Variants in CCT3 observed in about 807,000 individuals in gnomAD.
The protein encoded by CCT3 is chaperonin containing TCP1 subunit 3, also known as T-complex protein 1 subunit gamma.
A neutral mutation model predicts 65.3 loss-of-function variants in CCT3; 10 were observed. The ratio of observed to expected loss-of-function variants is 0.15; its 90% confidence interval spans 0.09 to 0.26. The LOEUF (loss-of-function observed/expected upper bound fraction) is 0.26. CCT3 is among the 10% of genes least tolerant of loss of function. The pLI, the probability that CCT3 is intolerant of heterozygous loss-of-function variation, is 1.00. For synonymous variants in CCT3, 225 were observed against 242.3 expected, an observed-to-expected ratio of 0.93 and a Z score of 0.66; for missense variants, 626 against 708.7, an observed-to-expected ratio of 0.88 and a Z score of 1.33.
intron 5 of CCT3, among the ~76,000 whole-genome samples, chr1:156,327,581 G>C (rs544972620): frequency 3.9e-4 from 60 of 152,286 alleles, no homozygotes; most frequent in African/African-American, 1.4e-3. Context: ...ACGGAGTCTC[G>C]TTCACTCAGT....
intron 5 of CCT3, among the ~76,000 whole-genome samples, chr1:156,329,368 T>C (rs1285548448): frequency 6.7e-6 from 1 of 149,210 alleles, no homozygotes; most frequent in Non-Finnish European, 1.5e-5. Context: ...TGCAGTGGTG[T>C]GATCTGGGCT....
In CCT3 at chr1:156,320,982, T is replaced by G. The variant is rs968700408; in HGVS notation, c.466A>C (p.Ile156Leu). ...ISDSDMMLNIINSSITTKAIS... is the reference protein window; with the variant it reads ...ISDSDMMLNILNSSITTKAIS... ...GCTTTGGTAGTAATAGAGCTGTTGA[T>G]GATGTTCAGCATCATATCACTGTCA... is the stretch of plus-strand genomic sequence containing the variant. Residue 156 changes from isoleucine to leucine, a missense_variant, in exon 7 of 14, where the codon ATC (isoleucine) becomes CTC (leucine). Physicochemically the swap from Ile to Leu is conservative, Grantham distance 5. Coordinates refer to ENST00000295688, the MANE Select transcript of CCT3 (RefSeq NM_005998.5). The G allele has an allele frequency of 6.2e-7, 1 of 1,614,152 alleles. No homozygotes were observed. Among genetic ancestry groups the G allele is most frequent in the East Asian group, 2.2e-5 (1 of 44,878 alleles).
intron 5 of CCT3, among the ~76,000 whole-genome samples, chr1:156,332,468 G>A (rs921068026): frequency 6.6e-6 from 1 of 152,126 alleles, no homozygotes; most frequent in Admixed American, 6.6e-5. Flanking sequence ...ATAGCCCAGG[G>A]TCATTATCCT....
intron 11 of CCT3, 40 bp downstream of exon 11, chr1:156,312,001 T>C (rs751871743): frequency 1.4e-5 from 21 of 1,520,820 alleles, no homozygotes; most frequent in Admixed American, 4.1e-5. Context: ...AGAAGTTCAG[T>C]GATCTACTTC....
chr1:156,328,873 A>T (rs1664979991), intron 5 of CCT3, among the ~76,000 whole-genome samples: 1 of 151,690 alleles, frequency 6.6e-6, no homozygotes, highest in African/African-American at 2.4e-5. Flanking sequence ...AATAAAAAAA[A>T]AAAATGTACA....
chr1:156,311,813 TACTGA>T (rs1332099002), intron 11 of CCT3, among the ~76,000 whole-genome samples: 2 of 152,188 alleles, frequency 1.3e-5, no homozygotes, highest in Non-Finnish European at 2.9e-5. Context: ...TACTTAACAT[TACTGA>T]ACTGTACAAT....
At chr1:156,323,314 G>GA (rs71080759) in intron 6 of CCT3, among the ~76,000 whole-genome samples, 70,450 of 130,226 alleles carry the variant, frequency 0.54, 17,993 homozygotes, top group Non-Finnish European at 0.6. Context: ...TCCGTCTCAA[G>GA]AAAAAAAAAA....
intron 5 of CCT3, among the ~76,000 whole-genome samples, chr1:156,327,005 C>T (rs1664843491): frequency 2.0e-5 from 3 of 151,966 alleles, no homozygotes; most frequent in Admixed American, 2.0e-4. Context: ...GAGACTGTGC[C>T]CAGGCACCCC....
At chr1:156,331,330 AAAT>A (rs67840238) in intron 5 of CCT3, among the ~76,000 whole-genome samples, 32,274 of 151,914 alleles carry the variant, frequency 0.21, 4,214 homozygotes, top group Non-Finnish European at 0.27. Flanking sequence ...TACGAAAAAT[AAAT>A]AATAATAATT....
intron 5 of CCT3, 71 bp downstream of exon 5, chr1:156,333,476 A>C: frequency 9.3e-7 from 1 of 1,072,212 alleles, no homozygotes; most frequent in Admixed American, 1.8e-5. Flanking sequence ...CTGTAACAGA[A>C]TTTCCTTCTT....
At chr1:156,334,444 T>C (rs1473177411) in intron 4 of CCT3, among the ~76,000 whole-genome samples, 3 of 152,070 alleles carry the variant, frequency 2.0e-5, no homozygotes, top group African/African-American at 7.2e-5. Context: ...GAGACCAAGT[T>C]CATGCCAAAG....
At chr1:156,317,604 G>A in intron 8 of CCT3, 57 bp from the exon 9 acceptor site, 1 of 1,544,906 alleles carries the variant, frequency 6.5e-7, no homozygotes, top group Non-Finnish European at 8.8e-7. Flanking sequence ...GAAGCTCTAA[G>A]GGTCATATTA....
At position 156,311,035 on chromosome 1, in the gene CCT3, G is replaced by C; in HGVS notation, c.1316C>G (p.Ala439Gly). ...MTGVEQWPYR[A>G]VAQALEVIPR... ...AATGACCTCTAGGGCCTGGGCAACA[G>C]CCCTGTATGGCCATTGTTCCACACC... Residue 439 changes from alanine (A) to glycine (G), a missense_variant, in exon 12 of 14, where the codon GCT becomes GGT. Coordinates refer to ENST00000295688, the MANE Select transcript of CCT3 (RefSeq NM_005998.5). The C allele has an allele frequency of 6.2e-7, 1 of 1,614,116 alleles. No homozygotes were observed. The highest frequency in any genetic ancestry group is 8.5e-7 in the Non-Finnish European group (1 of 1,180,018).
rs1258947753 is a variant in CCT3 at position 156,319,015 on chromosome 1, T to C, written c.612A>G (p.Ile204Met). The change falls in exon 8 of 14, where the codon ATA (isoleucine) becomes ATG (methionine). Residue 204 changes from isoleucine (I) to methionine (M), a missense_variant and splice_region_variant. Physicochemically the swap from Ile to Met is conservative, Grantham distance 10. Coordinates refer to ENST00000295688, the MANE Select transcript of CCT3 (RefSeq NM_005998.5). Reference protein sequence around the residue: ...DIKKYARVEKIPGGIIEDSCV... With the variant: ...DIKKYARVEKMPGGIIEDSCV... ...AGGAGTCTTCAATGATGCCTCCAGG[T>C]ATCTGAACAAAAGACAACTGCACTT... The C allele has an allele frequency of 3.1e-6, 5 of 1,600,396 alleles. No homozygotes were observed. The highest frequency in any genetic ancestry group is 1.3e-5 in the African/African-American group (1 of 74,296).
intron 2 of CCT3, 77 bp downstream of exon 2, chr1:156,335,750 A>G: frequency 6.7e-6 from 8 of 1,202,280 alleles, no homozygotes; most frequent in Admixed American, 1.8e-5. Flanking sequence ...CTAGATGCAC[A>G]GGACACATGG....
At chr1:156,315,386 A>T (rs577511973) in intron 10 of CCT3, among the ~76,000 whole-genome samples, 24 of 151,944 alleles carry the variant, frequency 1.6e-4, no homozygotes, top group African/African-American at 5.8e-4. Flanking sequence ...TTTTTGTATT[A>T]TTATTAGAGA....
At chr1:156,335,772 T>C in intron 2 of CCT3, 55 bp downstream of exon 2, 1 of 1,459,788 alleles carries the variant, frequency 6.9e-7, no homozygotes, top group Non-Finnish European at 9.6e-7. Flanking sequence ...TATGACCAAA[T>C]ACCAGGAAAG....
chr1:156,337,047 G>A lies in CCT3; in HGVS notation c.31+1107C>T, dbSNP rs999034751. 123 of 1,279,688 alleles carry A rather than the reference G, an allele frequency of 9.6e-5. No homozygotes were observed. The Admixed American group carries it at 2.8e-3, about 29-fold the overall frequency. 79.3% of individuals were successfully genotyped at this position (1,279,688 alleles called of 1,614,324 possible). A position where few individuals can be genotyped will look rare whatever the true frequency, so the allele number is the denominator to read the frequency against. On this transcript the variant is annotated intron_variant, in intron 1 of 13. Coordinates refer to ENST00000295688, the MANE Select transcript of CCT3 (RefSeq NM_005998.5). Reference sequence around the variant, plus strand: ...TGGCTAGCCAGGCTCTGCAGATGAGGTACAGAAGTTACACACAGAATGGAA... The same window carrying A: ...TGGCTAGCCAGGCTCTGCAGATGAGATACAGAAGTTACACACAGAATGGAA...
At chr1:156,335,070 C>A in intron 2 of CCT3, 152 bp from the exon 3 acceptor site, 1 of 634,322 alleles carries the variant, frequency 1.6e-6, no homozygotes, top group African/African-American at 1.8e-5. Flanking sequence ...GGGGTCTCAC[C>A]ATGTTGCTCG....
Sources: gnomAD v4.1 joint callset for allele counts (sites outside exome capture counted in the v4.1 genomes callset) on GRCh38, gnomAD v4.1.1 for gene constraint, MANE v1.5 for transcripts, NCBI Gene and HGNC (gene_info 2026-07-23, HGNC 2026-07-21) for gene names.